FHIT: variants seen among roughly 807,000 people sequenced by gnomAD.
FHIT encodes bis(5'-adenosyl)-triphosphatase.
A neutral mutation model predicts 17.9 loss-of-function variants in FHIT; 19 were observed. That is an observed-to-expected ratio of 1.06 (90% CI 0.74 to 1.56). The LOEUF is 1.56. Ranked by LOEUF, FHIT falls within the 40% of genes most tolerant of loss-of-function variation. The pLI is 0.00. For synonymous variants in FHIT, 81 were observed against 69.7 expected (o/e 1.16, Z -0.81); for missense variants, 248 against 189.2 (o/e 1.31, Z -1.82).
intron 5 of FHIT, among the ~76,000 whole-genome samples, chr3:60,317,333 A>G (rs897274672): frequency 2.0e-5 from 3 of 151,914 alleles, no homozygotes; most frequent in Non-Finnish European, 4.4e-5. Flanking sequence ...GACAATTGTT[A>G]TCTTTGTAAT....
intron 4 of FHIT, among the ~76,000 whole-genome samples, chr3:60,816,256 G>A (rs1480022777): frequency 2.0e-5 from 3 of 152,196 alleles, no homozygotes; most frequent in East Asian, 3.9e-4. Flanking sequence ...GATTGCTGTG[G>A]CTAGCACTTC....
chr3:60,432,423 T>C (rs1456256260), intron 5 of FHIT, among the ~76,000 whole-genome samples: 1 of 152,110 alleles, frequency 6.6e-6, no homozygotes, highest in Non-Finnish European at 1.5e-5. Flanking sequence ...TGAGGGAACA[T>C]GCTTCCATCC....
At chr3:60,930,865 G>A (rs1310130849) in intron 3 of FHIT, among the ~76,000 whole-genome samples, 1 of 152,172 alleles carries the variant, frequency 6.6e-6, no homozygotes, top group East Asian at 1.9e-4. Flanking sequence ...CCATTACTGG[G>A]TATATACCCA....
At chr3:59,936,251 C>T (rs901187128) in intron 7 of FHIT, among the ~76,000 whole-genome samples, 11 of 151,976 alleles carry the variant, frequency 7.2e-5, no homozygotes, top group African/African-American at 2.4e-4. Context: ...CTTTGTTAGA[C>T]AAAATATGAA....
chr3:60,259,466 A>G (rs1706185494), intron 5 of FHIT, among the ~76,000 whole-genome samples: 1 of 152,180 alleles, frequency 6.6e-6, no homozygotes, highest in Admixed American at 6.5e-5. Context: ...AAGGCTACAA[A>G]ACATCAAAAC....
intron 5 of FHIT, among the ~76,000 whole-genome samples, chr3:60,208,311 C>T (rs213321): frequency 1.3e-5 from 2 of 152,082 alleles, no homozygotes; most frequent in African/African-American, 2.4e-5. Flanking sequence ...TTTCAGAACT[C>T]GACAAATTTT....
At chr3:61,178,237 C>T (rs143487997) in intron 2 of FHIT, among the ~76,000 whole-genome samples, 50 of 152,080 alleles carry the variant, frequency 3.3e-4, no homozygotes, top group Non-Finnish European at 6.2e-4. Context: ...GAAACCATTA[C>T]TGGACTCCCA....
intron 5 of FHIT, among the ~76,000 whole-genome samples, chr3:60,490,671 C>CAA (rs377411602): frequency 4.3e-4 from 54 of 125,132 alleles, no homozygotes; most frequent in South Asian, 1.0e-3. Flanking sequence ...TGATTTGTAC[C>CAA]AAAAAAAAAA....
intron 8 of FHIT, among the ~76,000 whole-genome samples, chr3:59,871,053 T>C (rs926794789): frequency 2.0e-5 from 3 of 152,194 alleles, no homozygotes; most frequent in African/African-American, 4.8e-5. Flanking sequence ...TTGGATGTCA[T>C]GGTGACTTCA....
chr3:61,246,132 A>G (rs2040482248), intron 1 of FHIT, among the ~76,000 whole-genome samples: 1 of 152,218 alleles, frequency 6.6e-6, no homozygotes, highest in Non-Finnish European at 1.5e-5. Flanking sequence ...AAGTTACCCT[A>G]TATGGTCTAA....
At chr3:60,280,623 T>C (rs994565608) in intron 5 of FHIT, among the ~76,000 whole-genome samples, 25 of 152,094 alleles carry the variant, frequency 1.6e-4, no homozygotes, top group African/African-American at 5.8e-4. Context: ...TGTCAAGGAA[T>C]GGATTTCCCT....
chr3:60,167,553 G>C (rs1701228688), intron 5 of FHIT, among the ~76,000 whole-genome samples: 1 of 152,156 alleles, frequency 6.6e-6, no homozygotes, highest in African/African-American at 2.4e-5. Flanking sequence ...GGATAACTGG[G>C]CATTGCAATA....
At chr3:60,169,285 C>A (rs1021906770) in intron 5 of FHIT, among the ~76,000 whole-genome samples, 2 of 152,156 alleles carry the variant, frequency 1.3e-5, no homozygotes, top group African/African-American at 4.8e-5. Flanking sequence ...GATCTCACAG[C>A]TTTCAGGGGT....
intron 5 of FHIT, among the ~76,000 whole-genome samples, chr3:60,291,132 G>C (rs77400124): frequency 0.03 from 4,611 of 152,178 alleles, 245 homozygotes; most frequent in African/African-American, 0.1. Context: ...AGGTTAAATG[G>C]GGAAGTTTAA....
intron 1 of FHIT, among the ~76,000 whole-genome samples, chr3:61,207,942 G>C (rs1256393676): frequency 6.6e-6 from 1 of 151,956 alleles, no homozygotes; most frequent in Non-Finnish European, 1.5e-5. Flanking sequence ...GCTTTCTTTT[G>C]TGGGCATTTA....
chr3:60,461,514 T>G (rs1051838557), intron 5 of FHIT, among the ~76,000 whole-genome samples: 7 of 152,220 alleles, frequency 4.6e-5, no homozygotes, highest in Non-Finnish European at 4.4e-5. Flanking sequence ...AGGTGGCAGC[T>G]ATAGAGTAGC....
intron 5 of FHIT, among the ~76,000 whole-genome samples, chr3:60,280,152 C>T (rs537232270): frequency 6.6e-6 from 1 of 151,948 alleles, no homozygotes; most frequent in African/African-American, 2.4e-5. Flanking sequence ...TACAGAAAAG[C>T]ACTGACAAAA....
At chr3:60,721,891 G>C (rs2041817261) in intron 4 of FHIT, among the ~76,000 whole-genome samples, 2 of 152,210 alleles carry the variant, frequency 1.3e-5, no homozygotes, top group South Asian at 4.2e-4. Flanking sequence ...AGTACATCTG[G>C]AATCAGCTCC....
chr3:60,645,154 T>C (rs995273379), intron 4 of FHIT, among the ~76,000 whole-genome samples: 2 of 152,120 alleles, frequency 1.3e-5, no homozygotes, highest in African/African-American at 2.4e-5. Flanking sequence ...AGTTACTGTA[T>C]TGAAGTATAT....
Sources: allele counts gnomAD v4.1 joint callset (sites outside exome capture counted in the v4.1 genomes callset), GRCh38; gene constraint gnomAD v4.1.1; transcripts MANE v1.5; gene names NCBI Gene and HGNC (gene_info 2026-07-23, HGNC 2026-07-21).